CDH22: variants seen among roughly 807,000 people sequenced by gnomAD.
CDH22 encodes cadherin 22.
A neutral mutation model predicts 58.4 loss-of-function variants in CDH22; 30 were observed. That is an observed-to-expected ratio of 0.51 (90% CI 0.38 to 0.70). The LOEUF (loss-of-function observed/expected upper bound fraction) is 0.70, where lower values mean the gene tolerates loss of function less well. Ranked by LOEUF, CDH22 falls within the 30% of genes least tolerant of loss-of-function variation. CDH22 has a pLI of 0.00. For missense variants in CDH22, 1,014 were observed against 1,233.9 expected (o/e 0.82, Z 2.67); for synonymous variants, 513 against 558.2 (o/e 0.92, Z 1.14).
intron 10 of CDH22, among the ~76,000 whole-genome samples, chr20:46,181,609 T>A (rs920889930): frequency 1.4e-5 from 2 of 142,622 alleles, no homozygotes; most frequent in African/African-American, 5.2e-5. Context: ...CCTTCCTTCC[T>A]TCCCTCCCTC....
In CDH22 at chr20:46,234,887, C is replaced by A. The variant is rs530500023; in HGVS notation, c.550+6076G>T. 3.3e-5 allele frequency among the ~76,000 whole-genome samples: 5 copies of A among 152,358 alleles called. No homozygotes were observed. In the South Asian group the frequency reaches 1.0e-3, roughly 32 times the overall value. On this transcript the variant is annotated intron_variant, in intron 3 of 11. Transcript: ENST00000537909. ...TCATCTGTGATCTCTACATACCTAG[C>A]AAAGTGCTATGCACATAGTAGGCCT... is the stretch of plus-strand genomic sequence containing the variant.
chr20:46,193,114 G>T (rs935759202), intron 8 of CDH22, among the ~76,000 whole-genome samples: 5 of 152,140 alleles, frequency 3.3e-5, no homozygotes, highest in Admixed American at 2.6e-4. Flanking sequence ...AAATTCAAAG[G>T]GGAGATGTGG....
intron 1 of CDH22, among the ~76,000 whole-genome samples, chr20:46,283,298 A>G (rs2086559171): frequency 6.6e-6 from 1 of 152,174 alleles, no homozygotes; most frequent in South Asian, 2.1e-4. Context: ...TAGAGTGGAC[A>G]GGACATGAGC....
chr20:46,277,754 G>A (rs1279456436), intron 1 of CDH22, among the ~76,000 whole-genome samples: 6 of 152,038 alleles, frequency 3.9e-5, no homozygotes, highest in Admixed American at 1.3e-4. Flanking sequence ...ACAGCACCAG[G>A]AAGGCCACCT....
At chr20:46,263,557 T>G (rs1425575095) in intron 1 of CDH22, among the ~76,000 whole-genome samples, 2 of 152,088 alleles carry the variant, frequency 1.3e-5, no homozygotes, top group Non-Finnish European at 2.9e-5. Flanking sequence ...CCCCCACATT[T>G]ATAGGGGACA....
At chr20:46,306,568 G>A (rs1357705597) in intron 1 of CDH22, among the ~76,000 whole-genome samples, 1 of 152,228 alleles carries the variant, frequency 6.6e-6, no homozygotes, top group Non-Finnish European at 1.5e-5. Flanking sequence ...GTGTTTAAAT[G>A]TTGGCAATGC....
chr20:46,240,994 ATAG>A lies in CDH22; in HGVS notation c.516_518del (p.Tyr173del). The A allele has an allele frequency of 2.5e-6, 4 of 1,613,570 alleles. No individual in the cohort carries two copies. The highest frequency in any genetic ancestry group is 3.4e-6 in the Non-Finnish European group (4 of 1,179,780). ...GTGAGAGCTCGGCCACGCTGCCAAT[ATAG>A]GGGCCGTGCAGGAAGCGGGGCTCAC... On this transcript the variant is annotated inframe_deletion, in exon 3 of 12. Transcript: ENST00000537909.
At chr20:46,262,822 C>T (rs1375765111) in intron 1 of CDH22, among the ~76,000 whole-genome samples, 2 of 152,238 alleles carry the variant, frequency 1.3e-5, no homozygotes, top group African/African-American at 4.8e-5. Flanking sequence ...CTCCATCTTG[C>T]CACTGCCTCT....
chr20:46,263,206 G>A (rs1410272807), intron 1 of CDH22, among the ~76,000 whole-genome samples: 1 of 152,242 alleles, frequency 6.6e-6, no homozygotes, highest in Admixed American at 6.5e-5. Context: ...GGGATATGTG[G>A]ATGGATGGAT....
chr20:46,295,846 TC>T (rs976909770), intron 1 of CDH22, among the ~76,000 whole-genome samples: 5 of 152,198 alleles, frequency 3.3e-5, no homozygotes, highest in African/African-American at 9.7e-5. Context: ...CACCACAGCT[TC>T]AAACTCCAGG....
At chr20:46,267,112 G>A (rs1367729857) in intron 1 of CDH22, among the ~76,000 whole-genome samples, 4 of 152,072 alleles carry the variant, frequency 2.6e-5, no homozygotes, top group African/African-American at 9.7e-5. Flanking sequence ...CTGGAGCACC[G>A]AGAGGTGAAG....
At chr20:46,201,166 G>C (rs116751021) in intron 7 of CDH22, among the ~76,000 whole-genome samples, 10,382 of 152,320 alleles carry the variant, frequency 0.068, 541 homozygotes, top group African/African-American at 0.14. Context: ...GCGAGGCTGC[G>C]CGCGGACAAA....
chr20:46,224,860 TA>T (rs2086159649), intron 4 of CDH22, among the ~76,000 whole-genome samples: 1 of 152,198 alleles, frequency 6.6e-6, no homozygotes, highest in South Asian at 2.1e-4. Flanking sequence ...CCTGGCCTCC[TA>T]GCTAGACAGG....
chr20:46,303,870 C>T (rs932230874), intron 1 of CDH22, among the ~76,000 whole-genome samples: 1 of 152,130 alleles, frequency 6.6e-6, no homozygotes. Flanking sequence ...ATCCCACCTG[C>T]GTTAGAGAAC....
chr20:46,203,724 G>A (rs1289668654), intron 7 of CDH22, among the ~76,000 whole-genome samples: 1 of 152,212 alleles, frequency 6.6e-6, no homozygotes, highest in Non-Finnish European at 1.5e-5. Context: ...GAGTACACAG[G>A]AGTCCCCCCA....
At chr20:46,261,665 C>G (rs1015726272) in intron 1 of CDH22, among the ~76,000 whole-genome samples, 1 of 152,176 alleles carries the variant, frequency 6.6e-6, no homozygotes, top group African/African-American at 2.4e-5. Context: ...CTGTCTGCCC[C>G]CACTGAGTCC....
chr20:46,270,606 C>T (rs2425831), intron 1 of CDH22, among the ~76,000 whole-genome samples: 60,323 of 151,952 alleles, frequency 0.4, 12,540 homozygotes, highest in Middle Eastern at 0.61. Context: ...CATGGGAATC[C>T]TTTCTCCAGG....
chr20:46,270,946 G>A (rs943678973), intron 1 of CDH22, among the ~76,000 whole-genome samples: 8 of 152,162 alleles, frequency 5.3e-5, no homozygotes, highest in Non-Finnish European at 1.0e-4. Context: ...TGTGAAACAG[G>A]GAACAGGAAT....
chr20:46,185,303 A>T (rs1254202019), intron 10 of CDH22, among the ~76,000 whole-genome samples: 2 of 152,208 alleles, frequency 1.3e-5, no homozygotes, highest in African/African-American at 4.8e-5. Context: ...AGGTTCAAAC[A>T]TCAACATCAT....
Sources: allele counts gnomAD v4.1 joint callset (sites outside exome capture counted in the v4.1 genomes callset), GRCh38; gene constraint gnomAD v4.1.1; transcripts MANE v1.5; gene names NCBI Gene and HGNC (gene_info 2026-07-23, HGNC 2026-07-21).